Variants in LARGE1 observed in about 807,000 individuals in gnomAD.
LARGE1 encodes the protein LARGE xylosyl- and glucuronyltransferase 1.
A neutral mutation model predicts 87.6 loss-of-function variants in LARGE1; 43 were observed. The ratio of observed to expected loss-of-function variants is 0.49; its 90% confidence interval spans 0.38 to 0.63. The LOEUF is 0.63. Ranked by LOEUF, LARGE1 falls within the 30% of genes least tolerant of loss-of-function variation. The pLI, the probability that LARGE1 is intolerant of heterozygous loss-of-function variation, is 0.00. For missense variants in LARGE1, 802 were observed against 1,000.2 expected (o/e 0.80, Z 2.67); for synonymous variants, 434 against 394.6 (o/e 1.10, Z -1.18).
In LARGE1 at chr22:33,861,483, T is replaced by C. The variant is rs529058021; in HGVS notation, c.-83+58512A>G. The C allele has an allele frequency of 2.0e-5, 3 of 152,342 alleles. No homozygotes were observed. The East Asian group carries it at 5.8e-4, about 29-fold the overall frequency. 9.4% of individuals were successfully genotyped at this position (152,342 alleles called of 1,614,324 possible). A position where few individuals can be genotyped will look rare whatever the true frequency, so the allele number is the denominator to read the frequency against. Reference sequence around the variant, plus strand: ...TAACAGCGAATGTAGCATATTGCCATAGAACAAGCCATGGAATTTGCACAA... The same window carrying C: ...TAACAGCGAATGTAGCATATTGCCACAGAACAAGCCATGGAATTTGCACAA... On this transcript the variant is annotated intron_variant, in intron 1 of 14. Transcript: ENST00000397394.
At chr22:33,589,073 C>A (rs2078760914) in intron 5 of LARGE1, among the ~76,000 whole-genome samples, 2 of 152,216 alleles carry the variant, frequency 1.3e-5, no homozygotes, top group Non-Finnish European at 2.9e-5. Flanking sequence ...CATTACACCT[C>A]CAGGCTTTCA....
At chr22:33,720,745 G>A (rs972335963) in intron 2 of LARGE1, among the ~76,000 whole-genome samples, 1 of 152,226 alleles carries the variant, frequency 6.6e-6, no homozygotes, top group Non-Finnish European at 1.5e-5. Context: ...ACATCTCACA[G>A]ATCCTTGTAG....
At chr22:33,419,558 C>G (rs1304915520) in intron 7 of LARGE1, among the ~76,000 whole-genome samples, 1 of 152,116 alleles carries the variant, frequency 6.6e-6, no homozygotes, top group Non-Finnish European at 1.5e-5. Context: ...ATGTCGTCTT[C>G]TCAGAGACTC....
chr22:33,733,257 T>C (rs903411243), intron 2 of LARGE1: 1 of 152,214 alleles, frequency 6.6e-6, no homozygotes, highest in African/African-American at 2.4e-5. Context: ...AGTGGCAGAC[T>C]CTAGTAATTT....
At chr22:33,655,871 G>A (rs964095333) in intron 2 of LARGE1, among the ~76,000 whole-genome samples, 2 of 152,218 alleles carry the variant, frequency 1.3e-5, no homozygotes, top group Admixed American at 6.5e-5. Flanking sequence ...TGCTGGGGAA[G>A]AGGGAGAGAG....
At chr22:33,797,280 C>G (rs1351473070) in intron 1 of LARGE1, among the ~76,000 whole-genome samples, 1 of 152,204 alleles carries the variant, frequency 6.6e-6, no homozygotes, top group Non-Finnish European at 1.5e-5. Flanking sequence ...TCTCAGCTCC[C>G]CTTCACCAAG....
At chr22:33,409,743 C>T (rs8136166) in intron 7 of LARGE1, among the ~76,000 whole-genome samples, 5,940 of 151,862 alleles carry the variant, frequency 0.039, 146 homozygotes, top group Non-Finnish European at 0.047. Context: ...CGCCTTTAGT[C>T]CCAGCTACTT....
At chr22:33,203,403 A>T (rs1924512605) in intron 11 of LARGE1, among the ~76,000 whole-genome samples, 1 of 152,060 alleles carries the variant, frequency 6.6e-6, no homozygotes, top group African/African-American at 2.4e-5. Flanking sequence ...TGGTGGGTGG[A>T]CACTGCCACC....
the LARGE1 span, among the ~76,000 whole-genome samples, chr22:33,144,015 G>T: frequency 6.6e-6 from 1 of 152,028 alleles, no homozygotes; most frequent in African/African-American, 2.4e-5. Flanking sequence ...GATGTATTTT[G>T]TTTGACTATC....
intron 12 of LARGE1, among the ~76,000 whole-genome samples, chr22:33,302,497 A>C (rs773005374): frequency 4.6e-5 from 7 of 152,198 alleles, no homozygotes; most frequent in Non-Finnish European, 8.8e-5. Flanking sequence ...TGGAGAGAGA[A>C]CACAGGCTGC....
chr22:33,770,123 T>C (rs1474414755), intron 1 of LARGE1, among the ~76,000 whole-genome samples: 1 of 152,242 alleles, frequency 6.6e-6, no homozygotes, highest in East Asian at 1.9e-4. Context: ...ATTAGCAAGG[T>C]AGAATGTCAT....
intron 9 of LARGE1, among the ~76,000 whole-genome samples, chr22:33,379,466 A>G (rs1032910592): frequency 7.2e-5 from 11 of 151,886 alleles, no homozygotes; most frequent in African/African-American, 2.7e-4. Flanking sequence ...CCTGTGTCCA[A>G]GTGTTCTCAT....
At chr22:33,667,056 A>C (rs1226820992) in intron 2 of LARGE1, among the ~76,000 whole-genome samples, 1 of 152,212 alleles carries the variant, frequency 6.6e-6, no homozygotes, top group Non-Finnish European at 1.5e-5. Context: ...CTCTCTCCAG[A>C]TCCCAGAAGG....
At chr22:33,070,096 A>C in the LARGE1 span, among the ~76,000 whole-genome samples, 1 of 152,214 alleles carries the variant, frequency 6.6e-6, no homozygotes, top group African/African-American at 2.4e-5. Context: ...TGCTGGGATT[A>C]CAAGCATGAG....
At chr22:33,491,776 C>T (rs531581419) in intron 6 of LARGE1, among the ~76,000 whole-genome samples, 12 of 152,140 alleles carry the variant, frequency 7.9e-5, no homozygotes, top group Non-Finnish European at 1.8e-4. Context: ...GTCTTGAAGG[C>T]TAGTATTGCA....
intron 1 of LARGE1, among the ~76,000 whole-genome samples, chr22:33,854,755 G>A (rs1479043771): frequency 1.3e-5 from 2 of 152,150 alleles, no homozygotes; most frequent in African/African-American, 4.8e-5. Context: ...CTTGGGAGAT[G>A]CAGTTGTGAT....
At chr22:33,679,662 T>C (rs898804502) in intron 2 of LARGE1, among the ~76,000 whole-genome samples, 1 of 152,082 alleles carries the variant, frequency 6.6e-6, no homozygotes, top group African/African-American at 2.4e-5. Flanking sequence ...GCCAACATGA[T>C]GAAACCCTGT....
intron 11 of LARGE1, among the ~76,000 whole-genome samples, chr22:33,204,211 G>A (rs1924571350): frequency 6.6e-6 from 1 of 152,104 alleles, no homozygotes; most frequent in African/African-American, 2.4e-5. Context: ...GGGCTGGAGA[G>A]GGCTGAAAAC....
At chr22:33,261,308 C>T (rs1050323477) in intron 11 of LARGE1, among the ~76,000 whole-genome samples, 1 of 152,112 alleles carries the variant, frequency 6.6e-6, no homozygotes, top group Non-Finnish European at 1.5e-5. Flanking sequence ...TCTATCTTTA[C>T]GGAAGCTTTG....
Sources: gnomAD v4.1 joint callset for allele counts (sites outside exome capture counted in the v4.1 genomes callset) on GRCh38, gnomAD v4.1.1 for gene constraint, MANE v1.5 for transcripts, NCBI Gene and HGNC (gene_info 2026-07-23, HGNC 2026-07-21) for gene names.